The following NGEF variants were observed in gnomAD, a reference collection of about 807,000 sequenced individuals.
NGEF encodes ephexin-1.
A neutral mutation model predicts 80.9 loss-of-function variants in NGEF; 31 were observed. The ratio of observed to expected loss-of-function variants is 0.38; its 90% confidence interval spans 0.29 to 0.52. NGEF has a LOEUF of 0.52. NGEF is among the 20% of genes least tolerant of loss of function. NGEF has a pLI of 0.84. For synonymous variants in NGEF, 371 were observed against 370.2 expected (o/e 1.00, Z -0.03); for missense variants, 709 against 926.2 (o/e 0.77, Z 3.04).
chr2:233,000,725 A>C (rs1261619700), intron 1 of NGEF, among the ~76,000 whole-genome samples: 1 of 149,378 alleles, frequency 6.7e-6, no homozygotes, highest in Non-Finnish European at 1.5e-5. Flanking sequence ...GCGCCACTGC[A>C]CTCCAGCTCG....
At chr2:232,953,906 GGA>G (rs1693737407) in intron 3 of NGEF, among the ~76,000 whole-genome samples, 1 of 152,164 alleles carries the variant, frequency 6.6e-6, no homozygotes, top group African/African-American at 2.4e-5. Flanking sequence ...TCAGGACAGT[GGA>G]GGTGATTGAT....
At chr2:232,927,688 G>A (rs966376080) in intron 3 of NGEF, among the ~76,000 whole-genome samples, 1 of 152,026 alleles carries the variant, frequency 6.6e-6, no homozygotes, top group Non-Finnish European at 1.5e-5. Flanking sequence ...AGGGACCGGG[G>A]TCCCAGGGGC....
At chr2:232,882,320 C>T (rs1338581552) in intron 12 of NGEF, 55 bp from the exon 13 acceptor site, 19 of 1,497,022 alleles carry the variant, frequency 1.3e-5, no homozygotes, top group East Asian at 1.1e-4. Flanking sequence ...AGCCCCCCAA[C>T]GTGTGGCACG....
intron 1 of NGEF, among the ~76,000 whole-genome samples, chr2:232,997,424 C>G (rs926157283): frequency 1.3e-5 from 2 of 152,122 alleles, no homozygotes; most frequent in Non-Finnish European, 2.9e-5. Flanking sequence ...TGAGGTGACA[C>G]AGGCCTCTGC....
At chr2:233,012,811 A>G (rs1313513293) in intron 1 of NGEF, 1 of 470,634 alleles carries the variant, frequency 2.1e-6, no homozygotes, top group Non-Finnish European at 4.4e-6. Flanking sequence ...CACAGCCATA[A>G]TGGAAGAGCG....
rs1694041025 is a variant in NGEF at position 232,965,578 on chromosome 2, G to A, written c.383+4636C>T. Among the ~76,000 whole-genome samples, 3 of 152,162 alleles carry A rather than the reference G, an allele frequency of 2.0e-5. No individual in the cohort carries two copies. In the South Asian group the frequency reaches 6.2e-4, roughly 32 times the overall value. ...ACATCAGACAAGCTTCCATTAGATG[G>A]AAGGGCTCACCCATGGTCAATGTAG... On this transcript the variant is annotated intron_variant, in intron 3 of 14. Transcript: ENST00000264051.
intron 3 of NGEF, among the ~76,000 whole-genome samples, chr2:232,936,652 C>T (rs192009296): frequency 1.1e-4 from 16 of 152,330 alleles, no homozygotes; most frequent in Admixed American, 5.2e-4. Flanking sequence ...TGTTATCACA[C>T]ATTACTGAGG....
intron 3 of NGEF, among the ~76,000 whole-genome samples, chr2:232,957,345 T>C (rs55921418): frequency 0.02 from 2,998 of 152,160 alleles, 47 homozygotes; most frequent in Non-Finnish European, 0.032. Context: ...TATTTTGAGA[T>C]GGAGTCTCAC....
At chr2:232,880,579 A>G (rs1402284819) in intron 14 of NGEF, among the ~76,000 whole-genome samples, 1 of 152,228 alleles carries the variant, frequency 6.6e-6, no homozygotes, top group Non-Finnish European at 1.5e-5. Context: ...TTGGATCAGG[A>G]GCAATTACTG....
At chr2:232,901,838 G>A (rs1223138226) in intron 5 of NGEF, among the ~76,000 whole-genome samples, 1 of 152,226 alleles carries the variant, frequency 6.6e-6, no homozygotes, top group Non-Finnish European at 1.5e-5. Flanking sequence ...GACTCCCTTA[G>A]AGGCTGTGGG....
chr2:232,953,135 C>G (rs1693715062), intron 3 of NGEF, among the ~76,000 whole-genome samples: 1 of 151,292 alleles, frequency 6.6e-6, no homozygotes, highest in Admixed American at 6.6e-5. Context: ...AACCCTGTCT[C>G]TACTAAAAAT....
At position 232,933,209 on chromosome 2, in the gene NGEF, A is replaced by G. The variant is rs577669204; in HGVS notation, c.384-6023T>C. ...CTAGACCCAACTTCTCAAAGGCCCT[A>G]CCTTCCAATATCATCACTTTGTGAT... On this transcript the variant is annotated intron_variant, in intron 3 of 14. Transcript: ENST00000264051. Among the ~76,000 whole-genome samples the G allele has an allele frequency of 1.2e-4, 19 of 152,268 alleles. No individual in the cohort carries two copies. In the South Asian group the frequency reaches 3.5e-3, roughly 28 times the overall value.
chr2:232,884,256 C>T (rs1691603788), intron 10 of NGEF, 112 bp from the exon 11 acceptor site: 1 of 1,243,176 alleles, frequency 8.0e-7, no homozygotes, highest in Non-Finnish European at 1.1e-6. Context: ...GGCCCCGACA[C>T]ATGAGGCACA....
At chr2:232,907,188 G>GAAAAAAAAAAAAAGA (rs1692585522) in intron 5 of NGEF, among the ~76,000 whole-genome samples, 3 of 113,160 alleles carry the variant, frequency 2.7e-5, no homozygotes, top group East Asian at 2.6e-4. Context: ...AGAAAAAAAA[G>GAAAAAAAAAAAAAGA]AAAAAAAAAA....
intron 5 of NGEF, among the ~76,000 whole-genome samples, chr2:232,908,955 C>A (rs868822614): frequency 5.9e-5 from 9 of 152,130 alleles, no homozygotes; most frequent in African/African-American, 1.9e-4. Flanking sequence ...CCGGGAACTG[C>A]CTTATCACGT....
chr2:232,908,393 C>T (rs1692623327), intron 5 of NGEF, among the ~76,000 whole-genome samples: 1 of 151,920 alleles, frequency 6.6e-6, no homozygotes, highest in Non-Finnish European at 1.5e-5. Context: ...TTTGAAAGTG[C>T]TCATTTAGAG....
At chr2:232,896,771 C>T (rs1206523586) in intron 5 of NGEF, among the ~76,000 whole-genome samples, 2 of 29,308 alleles carry the variant, frequency 6.8e-5, no homozygotes, top group Admixed American at 4.2e-4. Context: ...AGGTTAGGGG[C>T]GTGGGTGAAG....
At chr2:232,958,731 A>G (rs1559224504) in intron 3 of NGEF, among the ~76,000 whole-genome samples, 2 of 152,236 alleles carry the variant, frequency 1.3e-5, no homozygotes, top group African/African-American at 4.8e-5. Flanking sequence ...CTTTAAAAAA[A>G]TAAACATATT....
At position 233,007,608 on chromosome 2, in the gene NGEF, C is replaced by T. The variant is rs78857860; in HGVS notation, c.-75+5460G>A. Among the ~76,000 whole-genome samples, 1,159 of 152,268 alleles carry T rather than the reference C, an allele frequency of 7.6e-3. 14 individuals carry two copies. Among genetic ancestry groups the T allele is most frequent in the African/African-American group, 0.027 (1,106 of 41,562 alleles). On this transcript the variant is annotated intron_variant, in intron 1 of 14. Transcript: ENST00000264051. The stretch of plus-strand genomic sequence containing the variant: ...GTCTATGCATGCTACTTAATTTTGG[C>T]ATTTTCTGTGATATTTCTCCAATGA...
Sources: allele counts gnomAD v4.1 joint callset (sites outside exome capture counted in the v4.1 genomes callset), GRCh38; gene constraint gnomAD v4.1.1; transcripts MANE v1.5; gene names NCBI Gene and HGNC (gene_info 2026-07-23, HGNC 2026-07-21).